AMY2B: variants seen among roughly 807,000 people sequenced by gnomAD.
AMY2B encodes alpha-amylase 2B.
A neutral mutation model predicts 59.3 loss-of-function variants in AMY2B; 63 were observed. The ratio of observed to expected loss-of-function variants is 1.06; its 90% CI spans 0.87 to 1.31. AMY2B has a LOEUF of 1.31. AMY2B is among the 50% of genes most tolerant of loss of function. AMY2B has a pLI of 0.00. For missense variants in AMY2B, 635 were observed against 626.7 expected, an observed-to-expected ratio of 1.01 and a Z score of -0.14; for synonymous variants, 180 against 198.1, an observed-to-expected ratio of 0.91 and a Z score of 0.77.
chr1:103,562,080 A>C (rs868043454), intron 1 of AMY2B: 3 of 152,210 alleles, frequency 2.0e-5, no homozygotes, highest in Non-Finnish European at 4.4e-5. Context: ...TTGCTGATTG[A>C]GAGAAGTTAA....
At chr1:103,575,785 A>T (rs955799977) in intron 7 of AMY2B, 2 of 491,512 alleles carry the variant, frequency 4.1e-6, no homozygotes, top group African/African-American at 4.0e-5. Context: ...GGAAAAAAAA[A>T]AAAACCACTT....
intron 1 of AMY2B, among the ~76,000 whole-genome samples, chr1:103,555,709 G>T (rs1651525992): frequency 6.6e-6 from 1 of 152,138 alleles, no homozygotes; most frequent in South Asian, 2.1e-4. Flanking sequence ...GTATTCAAGA[G>T]AATTTTGAAG....
chr1:103,562,017 CTG>C (rs1220800940), intron 1 of AMY2B: 2 of 152,184 alleles, frequency 1.3e-5, no homozygotes, highest in Non-Finnish European at 2.9e-5. Context: ...AAAACCAGAA[CTG>C]TGAGATTTTT....
chr1:103,574,369 A>G lies in AMY2B; in HGVS notation c.854A>G (p.Asn285Ser), dbSNP rs752838004. 13 of 1,611,650 alleles carry G rather than the reference A, an allele frequency of 8.1e-6. No homozygotes were observed. In the East Asian group the frequency reaches 2.7e-4, roughly 33 times the overall value. ...CTCGGCACAGTTATTCGCAAGTGGA[A>G]TGGAGAGAAGATGTCTTACCTAAAG... ...AKLGTVIRKW[N>S]GEKMSYLKNW... Residue 285 changes from asparagine to serine, a missense_variant, in exon 5 of 10, where the codon AAT (asparagine) becomes AGT (serine). By Grantham distance (46) the Asn-to-Ser change is conservative. Coordinates refer to ENST00000684275, the MANE Select transcript of AMY2B (RefSeq NM_001387437.1).
rs1376078211 is a variant in AMY2B, at chr1:103,573,120, G to A, written c.373G>A (p.Gly125Arg). The A allele has an allele frequency of 6.2e-7, 1 of 1,613,750 alleles. No individual in the cohort carries two copies. Among genetic ancestry groups the A allele is most frequent in the South Asian group, 1.1e-5 (1 of 91,076 alleles). Residue 125 changes from glycine (G) to arginine (R), a missense_variant, in exon 3 of 10, where the codon GGA (glycine) becomes AGA (arginine). Coordinates refer to ENST00000684275, the MANE Select transcript of AMY2B (RefSeq NM_001387437.1). ...NHMSGNAVSA[G>R]TSSTCGSYFN... Reference sequence around the variant, plus strand: ...TATGTCTGGTAATGCTGTGAGTGCAGGAACAAGCAGTACCTGTGGAAGTTA... The same window carrying A: ...TATGTCTGGTAATGCTGTGAGTGCAAGAACAAGCAGTACCTGTGGAAGTTA...
At position 103,579,374 on chromosome 1, in the gene AMY2B, A is replaced by T; in HGVS notation, c.1410A>T (p.Gly470=). 6.2e-7 allele frequency: 1 copy of T among 1,611,822 alleles called. No homozygotes were observed. The highest frequency in any genetic ancestry group is 1.1e-5 in the South Asian group (1 of 90,986). The change falls in exon 10 of 10, where the codon GGA becomes GGT. Residue 470 remains glycine (G), a synonymous_variant. Transcript: ENST00000684275. Reference sequence around the variant, plus strand: ...GCACATACTGTGATGTCATTTCTGGAGATAAAATTAATGGCAATTGCACAG... The same window carrying T: ...GCACATACTGTGATGTCATTTCTGGTGATAAAATTAATGGCAATTGCACAG... ...PAGTYCDVIS[G]DKINGNCTGI...
upstream of AMY2B, chr1:103,568,566 C>T (rs985573649): frequency 1.3e-5 from 2 of 151,874 alleles, no homozygotes; most frequent in African/African-American, 4.8e-5. Flanking sequence ...GGAAACAGGG[C>T]TGATTTTAAA....
At chr1:103,569,408 G>GTA (rs1652028741), upstream of AMY2B, 2 of 196,842 alleles carry the variant, frequency 1.0e-5, no homozygotes, top group African/African-American at 4.8e-5. Context: ...GTGTGTGTGT[G>GTA]TGTGTGTGTG....
chr1:103,558,487 C>A (rs966568465), intron 1 of AMY2B, among the ~76,000 whole-genome samples: 1 of 152,020 alleles, frequency 6.6e-6, no homozygotes, highest in South Asian at 2.1e-4. Flanking sequence ...TTGGAATGAA[C>A]TTGTTCAATG....
rs1205004703 is a variant in AMY2B at position 103,575,524 on chromosome 1, A to C, written c.1085A>C (p.Gln362Pro). 6 of 1,613,596 alleles carry C rather than the reference A, an allele frequency of 3.7e-6. No homozygotes were observed. The African/African-American group carries it at 5.3e-5, about 14-fold the overall frequency. The change falls in exon 7 of 10, where the codon CAG (glutamine) becomes CCG (proline). Residue 362 changes from glutamine to proline, a missense_variant. Physicochemically the swap from Gln to Pro is moderately conservative, Grantham distance 76 (BLOSUM62 -1). Coordinates refer to ENST00000684275, the MANE Select transcript of AMY2B (RefSeq NM_001387437.1). ...ATGTCAAGCTACCGTTGGCCAAGAC[A>C]GTTTCAAAATGGAAACGTAAGTTTT... Reference protein sequence around the residue: ...RVMSSYRWPRQFQNGNDVNDW... With the variant: ...RVMSSYRWPRPFQNGNDVNDW...
chr1:103,577,418 G>A, intron 7 of AMY2B, 72 bp from the exon 8 acceptor site: 1 of 1,609,660 alleles, frequency 6.2e-7, no homozygotes, highest in South Asian at 1.1e-5. Context: ...GGATAGGTTG[G>A]GTTTGGTTTA....
intron 7 of AMY2B, 77 bp from the exon 8 acceptor site, chr1:103,577,413 G>A (rs1413974207): frequency 1.9e-6 from 3 of 1,607,990 alleles, no homozygotes; most frequent in Non-Finnish European, 2.5e-6. Context: ...TAACAGGATA[G>A]GTTGGGTTTG....
chr1:103,576,171 G>T (rs182466000), intron 7 of AMY2B, among the ~76,000 whole-genome samples: 2 of 152,230 alleles, frequency 1.3e-5, no homozygotes, highest in East Asian at 3.9e-4. Context: ...ACAGATATTT[G>T]GAAAGCTAGT....
intron 7 of AMY2B, among the ~76,000 whole-genome samples, chr1:103,576,033 A>G (rs1652339961): frequency 6.6e-6 from 1 of 152,208 alleles, no homozygotes. Context: ...GAAGGAAATT[A>G]TATGTACTAA....
intron 9 of AMY2B, among the ~76,000 whole-genome samples, chr1:103,578,503 C>T (rs571642618): frequency 6.6e-6 from 1 of 152,272 alleles, no homozygotes; most frequent in East Asian, 1.9e-4. Context: ...TCGTTGCAAA[C>T]AGTTGAATTG....
At chr1:103,558,794 A>G (rs1367584007) in intron 1 of AMY2B, among the ~76,000 whole-genome samples, 4 of 151,134 alleles carry the variant, frequency 2.6e-5, no homozygotes, top group African/African-American at 9.7e-5. Flanking sequence ...TCATTAATAC[A>G]TTTTTCCTCT....
intron 9 of AMY2B, among the ~76,000 whole-genome samples, chr1:103,578,826 T>A (rs895220641): frequency 2.0e-5 from 3 of 147,924 alleles, no homozygotes; most frequent in African/African-American, 7.5e-5. Context: ...CTTTAAAAAT[T>A]TTTTTTTAAA....
intron 7 of AMY2B, 58 bp from the exon 8 acceptor site, chr1:103,577,432 G>T: frequency 6.2e-7 from 1 of 1,611,224 alleles, no homozygotes; most frequent in Non-Finnish European, 8.5e-7. Context: ...TGGTTTAAAG[G>T]AGAAGGAAGA....
chr1:103,570,280 G>C (rs1440234922), upstream of AMY2B: 1 of 569,940 alleles, frequency 1.8e-6, no homozygotes, highest in Non-Finnish European at 3.5e-6. Context: ...TGAGCTGCCT[G>C]ATGGCCATGT....
Sources: allele counts gnomAD v4.1 joint callset (sites outside exome capture counted in the v4.1 genomes callset), GRCh38; gene constraint gnomAD v4.1.1; transcripts MANE v1.5; gene names NCBI Gene and HGNC (gene_info 2026-07-23, HGNC 2026-07-21).